ATG10: variants seen among roughly 807,000 people sequenced by gnomAD.
ATG10 encodes ubiquitin-like-conjugating enzyme ATG10.
A neutral mutation model predicts 32.1 loss-of-function variants in ATG10; 30 were observed. The observed-to-expected ratio is 0.94, with a 90% confidence interval of 0.70 to 1.27. ATG10 has a LOEUF of 1.27. ATG10 is among the 50% of genes most tolerant of loss of function. The pLI is 0.00. For missense variants in ATG10, 233 were observed against 262.3 expected (o/e 0.89, Z 0.77); for synonymous variants, 87 against 91.5 (o/e 0.95, Z 0.28).
intron 3 of ATG10, among the ~76,000 whole-genome samples, chr5:82,162,814 A>G (rs1220968070): frequency 4.0e-5 from 5 of 125,488 alleles, no homozygotes; most frequent in Admixed American, 9.1e-5. Flanking sequence ...ATATGTATGT[A>G]TAGCAGGATT....
intron 5 of ATG10, among the ~76,000 whole-genome samples, chr5:82,229,706 G>A (rs956026889): frequency 2.0e-5 from 3 of 152,146 alleles, no homozygotes; most frequent in South Asian, 2.1e-4. Context: ...TGAATGGCCC[G>A]TGAAGACCAA....
chr5:82,127,507 A>T (rs891949916), intron 3 of ATG10, among the ~76,000 whole-genome samples: 1 of 152,102 alleles, frequency 6.6e-6, no homozygotes, highest in African/African-American at 2.4e-5. Context: ...GGTTTCAAAG[A>T]ACTAATTTAT....
chr5:82,240,605 G>A (rs1302350568), intron 5 of ATG10, among the ~76,000 whole-genome samples: 1 of 152,060 alleles, frequency 6.6e-6, no homozygotes, highest in East Asian at 1.9e-4. Flanking sequence ...AGAACAATAG[G>A]GTGACTTAAG....
At chr5:82,170,059 A>G (rs906182915) in intron 4 of ATG10, among the ~76,000 whole-genome samples, 12 of 152,228 alleles carry the variant, frequency 7.9e-5, no homozygotes, top group African/African-American at 1.4e-4. Context: ...TAGTTAGCCA[A>G]AAGGTTTATT....
chr5:82,059,937 A>G (rs1363515945), intron 3 of ATG10, among the ~76,000 whole-genome samples: 2 of 152,002 alleles, frequency 1.3e-5, no homozygotes, highest in African/African-American at 4.8e-5. Flanking sequence ...AATTCATTAT[A>G]TATTAACTTA....
chr5:82,132,098 A>G (rs1766562795), intron 3 of ATG10, among the ~76,000 whole-genome samples: 1 of 152,114 alleles, frequency 6.6e-6, no homozygotes, highest in African/African-American at 2.4e-5. Flanking sequence ...CCCACCTCCA[A>G]CATTAGGGAT....
At chr5:82,200,694 C>T (rs1347144444) in intron 5 of ATG10, among the ~76,000 whole-genome samples, 1 of 150,452 alleles carries the variant, frequency 6.6e-6, no homozygotes, top group Non-Finnish European at 1.5e-5. Context: ...CTTTTATATT[C>T]TTATTGTTGG....
chr5:81,977,498 C>A (rs1760903277), intron 1 of ATG10, among the ~76,000 whole-genome samples: 1 of 152,158 alleles, frequency 6.6e-6, no homozygotes. Flanking sequence ...TCCAAGCAGC[C>A]CCTTGAAGAG....
chr5:81,992,386 T>G (rs554459100), intron 2 of ATG10: 3 of 151,904 alleles, frequency 2.0e-5, no homozygotes, highest in Non-Finnish European at 4.4e-5. Flanking sequence ...TTTATTTTAT[T>G]TATTTATTTT....
At chr5:81,994,277 ACCTTT>A (rs2149676580) in intron 2 of ATG10, among the ~76,000 whole-genome samples, 1 of 152,272 alleles carries the variant, frequency 6.6e-6, no homozygotes, top group Non-Finnish European at 1.5e-5. Context: ...GCTTCCTGCT[ACCTTT>A]CTAGCTTCAT....
intron 5 of ATG10, among the ~76,000 whole-genome samples, chr5:82,225,366 G>C (rs192522758): frequency 1.3e-5 from 2 of 152,094 alleles, no homozygotes; most frequent in South Asian, 4.1e-4. Flanking sequence ...ATTTGCTTTC[G>C]ATCATTTAAG....
intron 3 of ATG10, among the ~76,000 whole-genome samples, chr5:82,109,796 T>A (rs1765556516): frequency 1.3e-5 from 2 of 150,804 alleles, no homozygotes; most frequent in Admixed American, 6.6e-5. Flanking sequence ...TTTTATTTTT[T>A]AATATATATA....
chr5:82,209,421 C>G (rs1350704580), intron 5 of ATG10, among the ~76,000 whole-genome samples: 2 of 152,056 alleles, frequency 1.3e-5, no homozygotes, highest in Non-Finnish European at 2.9e-5. Context: ...GATTAGTGTG[C>G]TCATTAAAGG....
intron 5 of ATG10, among the ~76,000 whole-genome samples, chr5:82,197,725 TCTATCTA>T (rs1561352587): frequency 7.0e-4 from 38 of 53,914 alleles, no homozygotes; most frequent in African/African-American, 1.7e-3. Context: ...TTTCTTTCTA[TCTATCTA>T]TCTATCTATC....
At chr5:82,010,147 A>G (rs1762090836) in intron 2 of ATG10, 2 of 1,405,228 alleles carry the variant, frequency 1.4e-6, no homozygotes, top group Admixed American at 1.8e-5. Flanking sequence ...CCGCTTTCTT[A>G]TATTTCTTGT....
rs554738618 is a variant in ATG10, at chr5:81,995,339, C to T, written c.108+7661C>T. Among the ~76,000 whole-genome samples the T allele has an allele frequency of 5.9e-5, 9 of 152,176 alleles. No homozygotes were observed. The South Asian group carries it at 1.2e-3, about 21-fold the overall frequency. Reference sequence around the variant, plus strand: ...ATTTTTTTTGGTAGAGAGGGGGTGTCGCCATGTTGGCCAGGCTGGTCTCGA... The same window carrying T: ...ATTTTTTTTGGTAGAGAGGGGGTGTTGCCATGTTGGCCAGGCTGGTCTCGA... On this transcript the variant is annotated intron_variant, in intron 2 of 7. Transcript: ENST00000282185.
At chr5:82,116,249 C>T (rs2149820259) in intron 3 of ATG10, among the ~76,000 whole-genome samples, 1 of 151,888 alleles carries the variant, frequency 6.6e-6, no homozygotes, top group African/African-American at 2.4e-5. Flanking sequence ...TGAATTAGGT[C>T]CCATAAGGAT....
At chr5:82,168,189 C>T (rs866946011) in intron 4 of ATG10, among the ~76,000 whole-genome samples, 2 of 151,968 alleles carry the variant, frequency 1.3e-5, no homozygotes, top group Middle Eastern at 3.2e-3. Flanking sequence ...TTTTATGTCT[C>T]ATTTTCCCTT....
chr5:82,044,246 G>A (rs930085979), intron 2 of ATG10, among the ~76,000 whole-genome samples: 1 of 151,974 alleles, frequency 6.6e-6, no homozygotes, highest in African/African-American at 2.4e-5. Context: ...AGGGGGAAGT[G>A]CCACACACTT....
Sources: allele counts gnomAD v4.1 joint callset (sites outside exome capture counted in the v4.1 genomes callset), GRCh38; gene constraint gnomAD v4.1.1; transcripts MANE v1.5; gene names NCBI Gene and HGNC (gene_info 2026-07-23, HGNC 2026-07-21).